Variants in MAPK8IP3 observed in about 807,000 individuals in gnomAD.
MAPK8IP3 encodes the protein mitogen-activated protein kinase 8 interacting protein 3.
Under a neutral mutation model 157.8 loss-of-function variants are expected in MAPK8IP3, and 49 were observed. The observed-to-expected ratio is 0.31, with a 90% confidence interval of 0.25 to 0.39. MAPK8IP3 has a LOEUF of 0.39. Ranked by LOEUF, MAPK8IP3 falls within the 10% of genes least tolerant of loss-of-function variation. The probability of loss-of-function intolerance (pLI) is 1.00; values close to 1 mark genes in which losing one functional copy is unlikely to be tolerated. For synonymous variants in MAPK8IP3, 897 were observed against 777.7 expected (o/e 1.15, Z -2.55); for missense variants, 1,478 against 1,889.4 (o/e 0.78, Z 4.04).
chr16:1,765,148 G>A lies in MAPK8IP3; in HGVS notation c.2416G>A (p.Ala806Thr), dbSNP rs772293103. The A allele has an allele frequency of 7.5e-6, 12 of 1,608,172 alleles. No individual in the cohort carries two copies. Among genetic ancestry groups the A allele is most frequent in the South Asian group, 5.5e-5 (5 of 90,956 alleles). The change falls in exon 20 of 32, where the codon GCG becomes ACG. Residue 806 changes from alanine to threonine, a missense_variant. By Grantham distance (58) the Ala-to-Thr change is moderately conservative. Coordinates refer to ENST00000610761, the MANE Select transcript of MAPK8IP3 (RefSeq NM_001318852.2). ...TVVDQFTVCN[A>T]HVLCISSIPA... ...GGTGGACCAGTTCACCGTCTGCAAC[G>A]CGCACGTGCTGTGCATCTCCAGCAT... is the stretch of plus-strand genomic sequence containing the variant.
At chr16:1,752,903 C>T (rs959416945) in intron 8 of MAPK8IP3, among the ~76,000 whole-genome samples, 4 of 152,166 alleles carry the variant, frequency 2.6e-5, no homozygotes, top group Admixed American at 6.5e-5. Flanking sequence ...CTGGGACCTG[C>T]GCCCCTCTGC....
At chr16:1,758,286 T>C in intron 9 of MAPK8IP3, 127 bp downstream of exon 9, 1 of 1,095,370 alleles carries the variant, frequency 9.1e-7, no homozygotes, top group Non-Finnish European at 1.3e-6. Flanking sequence ...GCAGCGCCTC[T>C]GCTTCTGCTC....
intron 1 of MAPK8IP3, chr16:1,707,983 A>G (rs998886672): frequency 6.6e-6 from 1 of 152,176 alleles, no homozygotes; most frequent in African/African-American, 2.4e-5. Flanking sequence ...ATGTTGTATC[A>G]TTCCTCCTTT....
intron 1 of MAPK8IP3, among the ~76,000 whole-genome samples, chr16:1,716,015 C>T (rs2038123934): frequency 6.6e-6 from 1 of 152,242 alleles, no homozygotes; most frequent in East Asian, 1.9e-4. Flanking sequence ...GCGGGAGCCA[C>T]TGCACCGGCC....
intron 4 of MAPK8IP3, among the ~76,000 whole-genome samples, chr16:1,735,732 TGAGA>T (rs553244905): frequency 7.9e-6 from 1 of 126,406 alleles, no homozygotes; most frequent in Non-Finnish European, 1.6e-5. Flanking sequence ...ACCGTCCATG[TGAGA>T]GTGTGACCGT....
chr16:1,764,529 C>A (rs1441355805), intron 19 of MAPK8IP3, 70 bp downstream of exon 19: 3 of 1,548,680 alleles, frequency 1.9e-6, no homozygotes, highest in Non-Finnish European at 2.6e-6. Context: ...GCAGAGCATG[C>A]TGGGAGTGAG....
At position 1,762,618 on chromosome 16, in the gene MAPK8IP3, G is replaced by A. The variant is rs936320019; in HGVS notation, c.1671-57G>A. On this transcript the variant is annotated intron_variant, in intron 14 of 31. Transcript: ENST00000610761. ...GCTTCCTGGCGGGAGCCAGAGAGTC[G>A]CAGGTAAGGGAGGCGTGAGGGCACT... The A allele has an allele frequency of 1.7e-5, 26 of 1,543,440 alleles. No homozygotes were observed. The Admixed American group carries it at 1.7e-4, about 10-fold the overall frequency.
chr16:1,706,360 C>G lies in MAPK8IP3; in HGVS notation c.21C>G (p.Asp7Glu), dbSNP rs760397487. The change falls in exon 1 of 32, where the codon GAC becomes GAG. Residue 7 changes from aspartate to glutamate, a missense_variant. By Grantham distance (45) the Asp-to-Glu change is conservative. Around this residue, in one of 11 missense-constraint regions of MAPK8IP3, gnomAD observed 29 missense variants for 29.8 expected, o/e 0.97. Transcript: ENST00000610761. This position sits in a 1 kb window ranked among gnomAD's most constrained non-coding sequence, Gnocchi z 5.1. ...CCGCGATGATGGAGATCCAGATGGA[C>G]GAGGGCGGCGGCGTGGTGGTGTACC... Reference protein sequence around the residue: MMEIQMDEGGGVVVYQD... With the variant: MMEIQMEEGGGVVVYQD... 6.3e-7 allele frequency: 1 copy of G among 1,598,630 alleles called. No individual in the cohort carries two copies. Among genetic ancestry groups the G allele is most frequent in the South Asian group, 1.1e-5 (1 of 89,252 alleles).
chr16:1,753,918 A>G, intron 8 of MAPK8IP3, among the ~76,000 whole-genome samples: 1 of 151,110 alleles, frequency 6.6e-6, no homozygotes, highest in Non-Finnish European at 1.5e-5. Flanking sequence ...TCACGCCTAT[A>G]ATCCCAGCAC....
chr16:1,712,093 G>A lies in MAPK8IP3; in HGVS notation c.318+5436G>A, dbSNP rs1252003766. Among the ~76,000 whole-genome samples, 5 of 108,662 alleles carry A rather than the reference G, an allele frequency of 4.6e-5. No homozygotes were observed. In the East Asian group the frequency reaches 1.1e-3, roughly 24 times the overall value. 71.3% of individuals were successfully genotyped at this position (108,662 alleles called of 152,430 possible). A position where few individuals can be genotyped will look rare whatever the true frequency, so the allele number is the denominator to read the frequency against. ...TTTTTCTTTTTTGAGATGGAGTCTC[G>A]CTCTGTCACCCATGCTGGAGTACAG... On this transcript the variant is annotated intron_variant, in intron 1 of 31. Coordinates refer to ENST00000610761, the MANE Select transcript of MAPK8IP3 (RefSeq NM_001318852.2).
intron 13 of MAPK8IP3, among the ~76,000 whole-genome samples, chr16:1,761,967 A>T (rs1430720539): frequency 6.6e-6 from 1 of 151,828 alleles, no homozygotes; most frequent in Non-Finnish European, 1.5e-5. Context: ...TGGGGTGGGC[A>T]CGGGCAGGGG....
At chr16:1,715,231 A>G (rs12930313) in intron 1 of MAPK8IP3, among the ~76,000 whole-genome samples, 17,503 of 152,130 alleles carry the variant, frequency 0.12, 1,405 homozygotes, top group African/African-American at 0.23. Context: ...GTCCCGAGCT[A>G]GTGGCCAGCT....
At chr16:1,748,152 C>A in intron 6 of MAPK8IP3, 92 bp from the exon 7 acceptor site, 2 of 923,904 alleles carry the variant, frequency 2.2e-6, no homozygotes, top group Non-Finnish European at 3.5e-6. Context: ...CCAGCTCCAG[C>A]CCACCAGACT....
At position 1,766,726 on chromosome 16, in the gene MAPK8IP3, C is replaced by T. The variant is rs372255008; in HGVS notation, c.2943C>T (p.Leu981=). 1.2e-6 allele frequency: 2 copies of T among 1,612,830 alleles called. No individual in the cohort carries two copies. Among genetic ancestry groups the T allele is most frequent in the East Asian group, 2.2e-5 (1 of 44,872 alleles). The change falls in exon 24 of 32, where the codon CTC becomes CTT. Residue 981 remains leucine (L), a synonymous_variant. Coordinates refer to ENST00000610761, the MANE Select transcript of MAPK8IP3 (RefSeq NM_001318852.2). ...CCATCGCCGCTTCCTTCCCTAGGCT[C>T]TATGTGCACTCGGCTGTGGCCAACT... ...TMWLGAQNGW[L]YVHSAVANWK... is the part of the protein sequence containing the mutation.
intron 5 of MAPK8IP3, chr16:1,745,485 T>A (rs1229441363): frequency 1.3e-5 from 2 of 152,336 alleles, no homozygotes; most frequent in African/African-American, 4.8e-5. Flanking sequence ...AAACTGGGCA[T>A]AGCTGCAGAG....
At chr16:1,747,867 C>T (rs1276412841) in intron 6 of MAPK8IP3, among the ~76,000 whole-genome samples, 1 of 151,976 alleles carries the variant, frequency 6.6e-6, no homozygotes, top group Non-Finnish European at 1.5e-5. Flanking sequence ...TGGCACACAG[C>T]CCCACTAACC....
rs2141842252 is a variant in MAPK8IP3, at chr16:1,741,884, G to C, written c.603-1448G>C. ...AGGCGGCCAGTCCCCAGAGCTGTAT[G>C]CACCCCACAAAGAGACCCCTTCCCA... On this transcript the variant is annotated intron_variant, in intron 4 of 31. Transcript: ENST00000610761. This position sits in a 1 kb window ranked among gnomAD's most constrained non-coding sequence, Gnocchi z 6.9. Among the ~76,000 whole-genome samples, 1 of 152,236 alleles carries C rather than the reference G, an allele frequency of 6.6e-6. No individual in the cohort carries two copies. Among genetic ancestry groups the C allele is most frequent in the Middle Eastern group, 3.4e-3 (1 of 294 alleles).
intron 4 of MAPK8IP3, among the ~76,000 whole-genome samples, chr16:1,738,531 TGA>T (rs1399041066): frequency 7.4e-6 from 1 of 134,478 alleles, no homozygotes; most frequent in Admixed American, 7.7e-5. Flanking sequence ...AGCATCTGTG[TGA>T]CTGTCCGTGT....
In MAPK8IP3 at chr16:1,741,867, A is replaced by G. The variant is rs768163656; in HGVS notation, c.603-1465A>G. On this transcript the variant is annotated intron_variant, in intron 4 of 31. Coordinates refer to ENST00000610761, the MANE Select transcript of MAPK8IP3 (RefSeq NM_001318852.2). This position sits in a 1 kb window ranked among gnomAD's most constrained non-coding sequence, Gnocchi z 6.9. ...CCTGAACATAACAGAGCAGGCGGCCAGTCCCCAGAGCTGTATGCACCCCAC... is the reference window on the plus strand; with the variant it reads ...CCTGAACATAACAGAGCAGGCGGCCGGTCCCCAGAGCTGTATGCACCCCAC... Among the ~76,000 whole-genome samples the G allele has an allele frequency of 3.9e-5, 6 of 152,134 alleles. No homozygotes were observed. Among genetic ancestry groups the G allele is most frequent in the Admixed American group, 2.0e-4 (3 of 15,264 alleles).
Sources: allele counts gnomAD v4.1 joint callset (sites outside exome capture counted in the v4.1 genomes callset), GRCh38; gene constraint gnomAD v4.1.1; regional missense constraint gnomAD v4.1.1; non-coding constraint Gnocchi (gnomAD v3.1); transcripts MANE v1.5; gene names NCBI Gene and HGNC (gene_info 2026-07-23, HGNC 2026-07-21).